The following RUVBL2 variants were observed in gnomAD, a reference collection of about 807,000 sequenced individuals.
The protein encoded by RUVBL2 is RuvB like AAA ATPase 2, also known as ruvB-like 2.
Under a neutral mutation model 57.9 loss-of-function variants are expected in RUVBL2, and 9 were observed. That is an observed-to-expected ratio of 0.16 (90% CI 0.09 to 0.27). The LOEUF (loss-of-function observed/expected upper bound fraction) is 0.27, where lower values mean the gene tolerates loss of function less well. Among genes scored for constraint, RUVBL2 ranks in the 10% least tolerant of loss-of-function variants. RUVBL2 has a pLI of 1.00. For missense variants in RUVBL2, 456 were observed against 669.6 expected, an observed-to-expected ratio of 0.68 and a Z score of 3.52; for synonymous variants, 278 against 264.6, an observed-to-expected ratio of 1.05 and a Z score of -0.49.
intron 11 of RUVBL2, among the ~76,000 whole-genome samples, chr19:49,013,461 T>C (rs2039476334): frequency 2.0e-5 from 3 of 152,006 alleles, no homozygotes; most frequent in South Asian, 4.1e-4. Context: ...AGTGTTGAAG[T>C]GCTGTCTAGT....
intron 12 of RUVBL2, 52 bp from the exon 13 acceptor site, chr19:49,014,969 C>T: frequency 1.3e-6 from 2 of 1,557,342 alleles, no homozygotes; most frequent in Non-Finnish European, 1.7e-6. Flanking sequence ...ACTTCTGCTG[C>T]AGTCAGAGGC....
intron 1 of RUVBL2, among the ~76,000 whole-genome samples, chr19:48,996,063 T>C (rs1199247473): frequency 1.3e-5 from 2 of 150,806 alleles, no homozygotes; most frequent in Admixed American, 6.6e-5. Context: ...TCCCAACTAC[T>C]TGGGAGACTA....
chr19:49,004,583 T>C lies in RUVBL2; in HGVS notation c.265+165T>C, dbSNP rs575034346. On this transcript the variant is annotated intron_variant, in intron 4 of 14. Transcript: ENST00000595090. Reference sequence around the variant, plus strand: ...ATGGAAGAATCTAGAGGTAGGCCATTTGGGGCTTATTAAGCAGTTCCAGGA... The same window carrying C: ...ATGGAAGAATCTAGAGGTAGGCCATCTGGGGCTTATTAAGCAGTTCCAGGA... Among the ~76,000 whole-genome samples, 423 of 152,210 alleles carry C rather than the reference T, an allele frequency of 2.8e-3. 1 individual carries two copies. The highest frequency in any genetic ancestry group is 0.01 in the Middle Eastern group (3 of 294).
intron 1 of RUVBL2, 94 bp downstream of exon 1, chr19:48,994,017 A>G (rs997373070): frequency 1.9e-6 from 2 of 1,057,350 alleles, no homozygotes; most frequent in Non-Finnish European, 2.5e-6. Context: ...GGTCTGAGGG[A>G]GGGGGGATCT....
chr19:48,997,234 A>G (rs902272774), intron 1 of RUVBL2, among the ~76,000 whole-genome samples: 1 of 152,222 alleles, frequency 6.6e-6, no homozygotes, highest in Non-Finnish European at 1.5e-5. Context: ...TGGCTACTTC[A>G]TATAGATGGA....
chr19:48,998,365 G>T (rs1442065350), intron 1 of RUVBL2, among the ~76,000 whole-genome samples: 1 of 152,120 alleles, frequency 6.6e-6, no homozygotes, highest in Non-Finnish European at 1.5e-5. Flanking sequence ...GCTCCTCATT[G>T]GTGTCTGTCC....
chr19:48,993,788 A>T (rs2038994014), upstream of RUVBL2: 1 of 1,329,602 alleles, frequency 7.5e-7, no homozygotes, highest in South Asian at 1.2e-5. Flanking sequence ...ACGCCCCCAC[A>T]ATATTTACAT....
At chr19:48,993,509 C>T (rs2038984872), upstream of RUVBL2, 10 of 427,764 alleles carry the variant, frequency 2.3e-5, no homozygotes, top group Non-Finnish European at 3.1e-5. Context: ...CTGCGCTTTA[C>T]GGAAACGAGT....
At chr19:48,999,981 A>G (rs566111896) in intron 2 of RUVBL2, among the ~76,000 whole-genome samples, 1 of 152,276 alleles carries the variant, frequency 6.6e-6, no homozygotes, top group Admixed American at 6.5e-5. Flanking sequence ...AAGTGACCGC[A>G]TTCATTCATG....
rs1249580203 is a variant in RUVBL2 at position 49,003,267 on chromosome 19, C to A, written c.68-12C>A. The A allele has an allele frequency of 1.9e-6, 3 of 1,564,602 alleles. No homozygotes were observed. In the South Asian group the frequency reaches 3.3e-5, roughly 17 times the overall value. ...GCTAGTAACTGAGTCTTTGTTCTTT[C>A]CCTTCATGTAGGTGCCCACTCCCAC... On this transcript the variant is annotated splice_polypyrimidine_tract_variant and intron_variant, in intron 2 of 14. Transcript: ENST00000595090.
At position 49,002,932 on chromosome 19, in the gene RUVBL2, CAT is replaced by C. The variant is rs1007862942; in HGVS notation, c.68-346_68-345del. Among the ~76,000 whole-genome samples the C allele has an allele frequency of 1.3e-5, 2 of 152,212 alleles. 1 individual carries two copies. The highest frequency in any genetic ancestry group is 4.1e-4 in the South Asian group (2 of 4,828). ...AGGATCATATGGAATAAACTGAGAA[CAT>C]GTGGGTGCTGTGTAAACCATAAACA... On this transcript the variant is annotated intron_variant, in intron 2 of 14. Coordinates refer to ENST00000595090, the MANE Select transcript of RUVBL2 (RefSeq NM_006666.3).
At chr19:49,004,140 A>AAG (rs2039237789) in intron 3 of RUVBL2, 137 bp from the exon 4 acceptor site, 16 of 975,514 alleles carry the variant, frequency 1.6e-5, no homozygotes, top group Non-Finnish European at 2.0e-5. Context: ...AAAAAAAAAA[A>AAG]GCAGGGAAAG....
Position 49,011,284 on chromosome 19 carries a change from C to A in RUVBL2, c.975C>A (p.Ile325=), listed in dbSNP as rs376800472. 2.5e-6 allele frequency: 4 copies of A among 1,613,918 alleles called. No homozygotes were observed. Among genetic ancestry groups the A allele is most frequent in the Non-Finnish European group, 2.5e-6 (3 of 1,180,000 alleles). ...AGAGTGACATGGCGCCTGTCCTGATCATGGCCACCAACCGTGGCATCACGC... is the reference window on the plus strand; with the variant it reads ...AGAGTGACATGGCGCCTGTCCTGATAATGGCCACCAACCGTGGCATCACGC... ...ALESDMAPVL[I]MATNRGITRI... Residue 325 remains isoleucine (I), a synonymous_variant, in exon 11 of 15, where the codon ATC becomes ATA. Transcript: ENST00000595090. The surrounding 1 kb of genome is among the most constrained non-coding windows in gnomAD (Gnocchi z 4.4).
chr19:48,999,936 A>G (rs2039145179), intron 2 of RUVBL2, among the ~76,000 whole-genome samples: 1 of 152,228 alleles, frequency 6.6e-6, no homozygotes, highest in African/African-American at 2.4e-5. Flanking sequence ...TGAGGCCAGC[A>G]GGGTGCGCTC....
chr19:49,015,856 C>T lies in RUVBL2; in HGVS notation c.*14C>T, dbSNP rs558017198. Reference sequence around the variant, plus strand: ...GACACCTCCTGAGTTGGATGTCATCCCCCGACCCCACCCTGTTTTCCACCA... The same window carrying T: ...GACACCTCCTGAGTTGGATGTCATCTCCCGACCCCACCCTGTTTTCCACCA... On this transcript the variant is annotated 3_prime_UTR_variant, in exon 15 of 15. Coordinates refer to ENST00000595090, the MANE Select transcript of RUVBL2 (RefSeq NM_006666.3). The T allele has an allele frequency of 1.2e-6, 2 of 1,614,066 alleles. No homozygotes were observed. Among genetic ancestry groups the T allele is most frequent in the African/African-American group, 1.3e-5 (1 of 74,920 alleles).
chr19:48,999,523 T>G (rs567949853), intron 2 of RUVBL2, 150 bp downstream of exon 2: 15 of 784,718 alleles, frequency 1.9e-5, no homozygotes, highest in African/African-American at 3.4e-5. Context: ...CCCTATCTAA[T>G]GGGGGAGGAG....
At chr19:49,012,724 T>C (rs1428338738) in intron 11 of RUVBL2, among the ~76,000 whole-genome samples, 2 of 152,218 alleles carry the variant, frequency 1.3e-5, no homozygotes, top group South Asian at 2.1e-4. Context: ...ATAAGTGTCC[T>C]TGTTGTATTC....
At position 49,011,860 on chromosome 19, in the gene RUVBL2, C is replaced by T. The variant is rs1028417113; in HGVS notation, c.1001+550C>T. Among the ~76,000 whole-genome samples the T allele has an allele frequency of 2.5e-5, 3 of 119,986 alleles. No homozygotes were observed. Among genetic ancestry groups the T allele is most frequent in the African/African-American group, 7.7e-5 (3 of 39,032 alleles). 78.7% of individuals were successfully genotyped at this position (119,986 alleles called of 152,430 possible). A position where few individuals can be genotyped will look rare whatever the true frequency, so the allele number is the denominator to read the frequency against. On this transcript the variant is annotated intron_variant, in intron 11 of 14. Coordinates refer to ENST00000595090, the MANE Select transcript of RUVBL2 (RefSeq NM_006666.3). The surrounding 1 kb of genome is among the most constrained non-coding windows in gnomAD (Gnocchi z 4.4). Reference sequence around the variant, plus strand: ...AATGTTGTGTTTGGCCTGAGGATGCCGGGGACAGATTCCTGTGACACAGAG... The same window carrying T: ...AATGTTGTGTTTGGCCTGAGGATGCTGGGGACAGATTCCTGTGACACAGAG...
intron 11 of RUVBL2, among the ~76,000 whole-genome samples, chr19:49,013,942 A>T (rs1430230241): frequency 6.6e-6 from 1 of 152,198 alleles, no homozygotes; most frequent in African/African-American, 2.4e-5. Context: ...CCAGAAACAC[A>T]CAAATGAAAA....
Sources: allele counts gnomAD v4.1 joint callset (sites outside exome capture counted in the v4.1 genomes callset), GRCh38; gene constraint gnomAD v4.1.1; non-coding constraint Gnocchi (gnomAD v3.1); transcripts MANE v1.5; gene names NCBI Gene and HGNC (gene_info 2026-07-23, HGNC 2026-07-21).